Variants in HSD17B12 observed in about 807,000 individuals in gnomAD.
HSD17B12 encodes the protein very-long-chain 3-oxoacyl-CoA reductase.
A neutral mutation model predicts 39.3 loss-of-function variants in HSD17B12; 32 were observed. The ratio of observed to expected loss-of-function variants is 0.81; its 90% CI spans 0.61 to 1.09. The LOEUF is 1.09. Ranked by LOEUF, HSD17B12 falls within the 50% of genes least tolerant of loss-of-function variation. The pLI is 0.00. For missense variants in HSD17B12, 342 were observed against 382.9 expected, an observed-to-expected ratio of 0.89 and a Z score of 0.89; for synonymous variants, 150 against 146.7, an observed-to-expected ratio of 1.02 and a Z score of -0.16.
intron 7 of HSD17B12, among the ~76,000 whole-genome samples, chr11:43,837,546 G>A (rs559379876): frequency 3.9e-5 from 6 of 152,192 alleles, no homozygotes; most frequent in African/African-American, 1.2e-4. Context: ...TCACTTTTTT[G>A]TAGAATTAGA....
chr11:43,738,279 CAT>C, intron 1 of HSD17B12, among the ~76,000 whole-genome samples: 1 of 152,006 alleles, frequency 6.6e-6, no homozygotes, highest in Middle Eastern at 3.4e-3. Context: ...CAGAGGTAAA[CAT>C]GTGCTATGGT....
At chr11:43,686,339 G>A (rs564272061) in intron 1 of HSD17B12, among the ~76,000 whole-genome samples, 16 of 152,314 alleles carry the variant, frequency 1.1e-4, no homozygotes, top group South Asian at 6.2e-4. Context: ...TTTGGCTCCC[G>A]AAAGGGAGTA....
intron 4 of HSD17B12, among the ~76,000 whole-genome samples, chr11:43,798,726 A>G (rs1049722816): frequency 6.6e-6 from 1 of 152,110 alleles, no homozygotes. Flanking sequence ...ACCTCTTCAT[A>G]TGCTCAAGTT....
At chr11:43,636,691 T>C in the HSD17B12 span, among the ~76,000 whole-genome samples, 1 of 152,196 alleles carries the variant, frequency 6.6e-6, no homozygotes, top group Non-Finnish European at 1.5e-5. Context: ...AGATTTTTAC[T>C]GTGTCAGGAA....
At chr11:43,678,398 A>T (rs1949712096), upstream of HSD17B12, among the ~76,000 whole-genome samples, 1 of 152,040 alleles carries the variant, frequency 6.6e-6, no homozygotes, top group Non-Finnish European at 1.5e-5. Context: ...GTTCACTCTG[A>T]TGGTAGTTTC....
rs1950297068 is a variant in HSD17B12 at position 43,734,360 on chromosome 11, G to A, written c.161-16551G>A. On this transcript the variant is annotated intron_variant, in intron 1 of 10. Transcript: ENST00000278353. ...GGCCAGATCTGTGGTGGAAAAGGCT[G>A]AGCAGAGGAAAAAGGCGGCCATCAT... The A allele has an allele frequency of 6.6e-5, 62 of 942,720 alleles. 1 individual carries two copies. In the South Asian group the frequency reaches 7.9e-4, roughly 12 times the overall value. 58.4% of individuals were successfully genotyped at this position (942,720 alleles called of 1,614,324 possible). A position where few individuals can be genotyped will look rare whatever the true frequency, so the allele number is the denominator to read the frequency against.
chr11:43,739,873 A>C (rs1443542790), intron 1 of HSD17B12, among the ~76,000 whole-genome samples: 1 of 152,290 alleles, frequency 6.6e-6, no homozygotes, highest in East Asian at 1.9e-4. Context: ...AGGTCAGCTC[A>C]TGGAAGACCT....
At chr11:43,758,333 G>T (rs920408119) in intron 3 of HSD17B12, among the ~76,000 whole-genome samples, 2 of 152,134 alleles carry the variant, frequency 1.3e-5, no homozygotes, top group African/African-American at 4.8e-5. Flanking sequence ...CCAATCTTGG[G>T]AGACACAGGC....
chr11:43,587,327 C>CT, the HSD17B12 span, among the ~76,000 whole-genome samples: 1 of 56,958 alleles, frequency 1.8e-5, no homozygotes, highest in African/African-American at 4.1e-5. Flanking sequence ...AAAAAAAAAA[C>CT]CAGGCATTTT....
chr11:43,659,876 A>T, the HSD17B12 span, among the ~76,000 whole-genome samples: 1 of 152,322 alleles, frequency 6.6e-6, no homozygotes, highest in African/African-American at 2.4e-5. Context: ...GCTGAGACTT[A>T]TTAGTTCGAA....
the HSD17B12 span, among the ~76,000 whole-genome samples, chr11:43,662,122 A>G: frequency 1.4e-4 from 21 of 151,644 alleles, no homozygotes; most frequent in Non-Finnish European, 2.6e-4. Flanking sequence ...ATCACCTGAG[A>G]CCAGGAGTTC....
chr11:43,629,087 G>A, the HSD17B12 span, among the ~76,000 whole-genome samples: 1 of 152,044 alleles, frequency 6.6e-6, no homozygotes, highest in Admixed American at 6.6e-5. Flanking sequence ...CCATTTTGGT[G>A]GATGTGGACG....
chr11:43,678,226 G>A (rs1422371073), upstream of HSD17B12, among the ~76,000 whole-genome samples: 1 of 152,102 alleles, frequency 6.6e-6, no homozygotes, highest in Admixed American at 6.5e-5. Context: ...CTGCATAAAT[G>A]TCTTCTTTTG....
intron 1 of HSD17B12, among the ~76,000 whole-genome samples, chr11:43,750,060 A>G (rs1266287197): frequency 6.6e-6 from 1 of 152,122 alleles, no homozygotes; most frequent in Non-Finnish European, 1.5e-5. Flanking sequence ...ACCATTTTCT[A>G]TTTACTTTTA....
the HSD17B12 span, among the ~76,000 whole-genome samples, chr11:43,587,581 T>C: frequency 1.3e-5 from 2 of 152,234 alleles, no homozygotes; most frequent in Non-Finnish European, 2.9e-5. Context: ...ATACTGCAAG[T>C]GGCTAGAATA....
the HSD17B12 span, among the ~76,000 whole-genome samples, chr11:43,593,694 C>G: frequency 6.6e-5 from 10 of 151,810 alleles, no homozygotes; most frequent in Non-Finnish European, 1.3e-4. Context: ...GTTACTGTAA[C>G]CATCATTATT....
the HSD17B12 span, among the ~76,000 whole-genome samples, chr11:43,568,891 C>A: frequency 1.3e-5 from 2 of 152,132 alleles, no homozygotes; most frequent in Admixed American, 1.3e-4. Context: ...ATTGAGCTTC[C>A]TTGATATTGA....
the HSD17B12 span, among the ~76,000 whole-genome samples, chr11:43,590,100 T>C: frequency 6.6e-6 from 1 of 151,954 alleles, no homozygotes; most frequent in African/African-American, 2.4e-5. Context: ...AGTTGAACCT[T>C]GAATAAGGAA....
chr11:43,565,051 C>G, the HSD17B12 span, among the ~76,000 whole-genome samples: 5 of 152,114 alleles, frequency 3.3e-5, no homozygotes, highest in Non-Finnish European at 5.9e-5. Flanking sequence ...AGGTGCCCAC[C>G]ACCAAGCCTG....
Sources: allele counts gnomAD v4.1 joint callset (sites outside exome capture counted in the v4.1 genomes callset), GRCh38; gene constraint gnomAD v4.1.1; transcripts MANE v1.5; gene names NCBI Gene and HGNC (gene_info 2026-07-23, HGNC 2026-07-21).